Variants in DYNC1I1 observed in about 807,000 individuals in gnomAD.
DYNC1I1 encodes cytoplasmic dynein 1 intermediate chain 1.
A neutral mutation model predicts 86.6 loss-of-function variants in DYNC1I1; 43 were observed. The ratio of observed to expected loss-of-function variants is 0.50; its 90% CI spans 0.39 to 0.64. The LOEUF is 0.64. Ranked by LOEUF, DYNC1I1 falls within the 30% of genes least tolerant of loss-of-function variation. The pLI is 0.00. For missense variants in DYNC1I1, 604 were observed against 788.8 expected, an observed-to-expected ratio of 0.77 and a Z score of 2.81; for synonymous variants, 262 against 283.7, an observed-to-expected ratio of 0.92 and a Z score of 0.77.
At chr7:95,880,640 CTTTTTTTTTTT>C (rs142182653) in intron 6 of DYNC1I1, among the ~76,000 whole-genome samples, 1 of 92,542 alleles carries the variant, frequency 1.1e-5, no homozygotes, top group Non-Finnish European at 2.2e-5. Context: ...CATCTTCTTA[CTTTTTTTTTTT>C]TTTTTTTTTT....
At chr7:95,946,478 C>G (rs77678235) in intron 6 of DYNC1I1, among the ~76,000 whole-genome samples, 4 of 152,130 alleles carry the variant, frequency 2.6e-5, no homozygotes, top group African/African-American at 9.7e-5. Context: ...AAAAATGCCA[C>G]CTCCTCCACA....
intron 14 of DYNC1I1, among the ~76,000 whole-genome samples, chr7:96,054,380 C>T (rs1789507933): frequency 6.6e-6 from 1 of 152,224 alleles, no homozygotes; most frequent in Non-Finnish European, 1.5e-5. Flanking sequence ...TTTATACAGT[C>T]TATCGTTGAT....
intron 6 of DYNC1I1, among the ~76,000 whole-genome samples, chr7:95,896,650 C>G (rs1031429999): frequency 6.6e-6 from 1 of 152,158 alleles, no homozygotes; most frequent in East Asian, 1.9e-4. Context: ...ACTATGCCAC[C>G]TGTAAACAAA....
At chr7:95,987,256 A>T in intron 9 of DYNC1I1, 101 bp downstream of exon 9, 1 of 1,038,146 alleles carries the variant, frequency 9.6e-7, no homozygotes, top group Non-Finnish European at 1.4e-6. Context: ...TTTCCTCTCT[A>T]TGCCTGTTGG....
intron 14 of DYNC1I1, among the ~76,000 whole-genome samples, chr7:96,068,288 C>G (rs550981205): frequency 3.5e-4 from 54 of 152,288 alleles, no homozygotes; most frequent in African/African-American, 1.2e-3. Context: ...ATATATTTTA[C>G]ATTTGAACAA....
chr7:96,018,547 G>A (rs1185651897), intron 10 of DYNC1I1, among the ~76,000 whole-genome samples: 1 of 152,142 alleles, frequency 6.6e-6, no homozygotes, highest in Non-Finnish European at 1.5e-5. Flanking sequence ...TGTAGCCGGG[G>A]ATGACAGTGA....
chr7:95,867,489 A>G (rs1451155375), intron 5 of DYNC1I1, among the ~76,000 whole-genome samples: 3 of 152,240 alleles, frequency 2.0e-5, no homozygotes, highest in Non-Finnish European at 4.4e-5. Context: ...GAATGAGTGC[A>G]TGACATCACC....
chr7:95,886,161 C>T (rs1024079494), intron 6 of DYNC1I1, among the ~76,000 whole-genome samples: 2 of 152,152 alleles, frequency 1.3e-5, no homozygotes, highest in East Asian at 1.9e-4. Context: ...TCAGGCCGGA[C>T]GCAGTGGCCC....
intron 16 of DYNC1I1, among the ~76,000 whole-genome samples, chr7:96,084,437 CTTTTCT>C (rs1427627070): frequency 8.4e-6 from 1 of 118,998 alleles, no homozygotes; most frequent in African/African-American, 2.9e-5. Flanking sequence ...CTTTTTTTTT[CTTTTCT>C]TTTTTTTTTT....
At chr7:95,981,239 A>G (rs1396802157) in intron 7 of DYNC1I1, among the ~76,000 whole-genome samples, 1 of 152,226 alleles carries the variant, frequency 6.6e-6, no homozygotes, top group Non-Finnish European at 1.5e-5. Flanking sequence ...AACCCAAAAG[A>G]TATAGTTTAA....
rs181979887 is a variant in DYNC1I1 at position 96,003,848 on chromosome 7, T to C, written c.969+7775T>C. Among the ~76,000 whole-genome samples, 547 of 152,258 alleles carry C rather than the reference T, an allele frequency of 3.6e-3. 2 individuals carry two copies. Among genetic ancestry groups the C allele is most frequent in the African/African-American group, 0.012 (505 of 41,540 alleles). ...CCACTTCTAGACTCCAGACCATCTATTTTTTAAAAATATAGCTTTTTCTCC... is the reference window on the plus strand; with the variant it reads ...CCACTTCTAGACTCCAGACCATCTACTTTTTAAAAATATAGCTTTTTCTCC... On this transcript the variant is annotated intron_variant, in intron 10 of 16. Transcript: ENST00000447467.
Position 95,794,662 on chromosome 7 carries a change from C to T in DYNC1I1, c.-9-10059C>T, listed in dbSNP as rs572868772. 8.8e-4 allele frequency among the ~76,000 whole-genome samples: 126 copies of T among 142,956 alleles called. 1 individual carries two copies. In the Middle Eastern group the frequency reaches 0.028, roughly 32 times the overall value. The allele number at this position is 142,956 out of a possible 152,430, so 93.8% of individuals were successfully genotyped here. A position where few individuals can be genotyped will look rare whatever the true frequency, so the allele number is the denominator to read the frequency against. ...CTGTACTGAGGGCTCGAGAGCCTCT[C>T]CTGTTTAATGTGCTGCAATTGCCAA... On this transcript the variant is annotated intron_variant, in intron 1 of 16. Coordinates refer to ENST00000447467, the MANE Select transcript of DYNC1I1 (RefSeq NM_001135556.2).
Position 95,995,288 on chromosome 7 carries a change from T to TAAATAAA in DYNC1I1, c.844-660_844-659insAAATAAA, listed in dbSNP as rs1284500550. ...AATAAATAAATAAATAAATAAATAATGTAGAATGGCTGGCCTGGGCCAGGC... is the reference window on the plus strand; with the variant it reads ...AATAAATAAATAAATAAATAAATAATAAATAAAGTAGAATGGCTGGCCTGGGCCAGGC... On this transcript the variant is annotated intron_variant, in intron 9 of 16. Transcript: ENST00000447467. Among the ~76,000 whole-genome samples, 8 of 89,920 alleles carry TAAATAAA rather than the reference T, an allele frequency of 8.9e-5. No homozygotes were observed. In the Admixed American group the frequency reaches 9.2e-4, roughly 10 times the overall value. The allele number at this position is 89,920 out of a possible 152,430, so 59.0% of individuals were successfully genotyped here.
chr7:95,914,389 A>G (rs1791416015), intron 6 of DYNC1I1, among the ~76,000 whole-genome samples: 1 of 152,186 alleles, frequency 6.6e-6, no homozygotes, highest in Admixed American at 6.5e-5. Context: ...TATGGAAGAG[A>G]GCAAATAATT....
chr7:95,826,580 C>T (rs1795208214), intron 4 of DYNC1I1, among the ~76,000 whole-genome samples: 1 of 152,036 alleles, frequency 6.6e-6, no homozygotes, highest in South Asian at 2.1e-4. Context: ...ATGTAGCCAC[C>T]CCTGCCATTA....
chr7:95,915,730 ATT>A (rs1231736707), intron 6 of DYNC1I1, among the ~76,000 whole-genome samples: 1 of 152,188 alleles, frequency 6.6e-6, no homozygotes, highest in Non-Finnish European at 1.5e-5. Flanking sequence ...AAATGAGAAA[ATT>A]TCTCTTTTCA....
chr7:95,773,424 T>C (rs1304464657), intron 1 of DYNC1I1, among the ~76,000 whole-genome samples: 1 of 152,138 alleles, frequency 6.6e-6, no homozygotes, highest in Non-Finnish European at 1.5e-5. Flanking sequence ...TCGGAATCGC[T>C]CTGGCCTTAT....
At chr7:96,101,916 G>T (rs1332730302), downstream of DYNC1I1, among the ~76,000 whole-genome samples, 2 of 152,010 alleles carry the variant, frequency 1.3e-5, no homozygotes, top group Admixed American at 1.3e-4. Flanking sequence ...AGGCCTAAAA[G>T]ATATAGAGTG....
At chr7:96,073,411 C>A (rs1790229453) in intron 14 of DYNC1I1, among the ~76,000 whole-genome samples, 1 of 152,104 alleles carries the variant, frequency 6.6e-6, no homozygotes, top group Non-Finnish European at 1.5e-5. Flanking sequence ...GGTTACATTT[C>A]TCAGAGAAGA....
Sources: allele counts gnomAD v4.1 joint callset (sites outside exome capture counted in the v4.1 genomes callset), GRCh38; gene constraint gnomAD v4.1.1; transcripts MANE v1.5; gene names NCBI Gene and HGNC (gene_info 2026-07-23, HGNC 2026-07-21).